Variants in PTPRU observed in about 807,000 individuals in gnomAD.
The protein encoded by PTPRU is receptor-type tyrosine-protein phosphatase U.
PTPRU carries 69 observed loss-of-function variants against 166.3 expected under a neutral mutation model. That is an observed-to-expected ratio of 0.41 (90% CI 0.34 to 0.51). The LOEUF (loss-of-function observed/expected upper bound fraction) is 0.51. PTPRU is among the 20% of genes least tolerant of loss of function. PTPRU has a pLI of 0.09. For synonymous variants in PTPRU, 793 were observed against 814.0 expected, an observed-to-expected ratio of 0.97 and a Z score of 0.44; for missense variants, 1,657 against 2,013.7, an observed-to-expected ratio of 0.82 and a Z score of 3.39.
rs972529303 is a variant in PTPRU, at chr1:29,275,586, G to A, written c.1283G>A (p.Gly428Asp). The A allele has an allele frequency of 3.7e-6, 6 of 1,614,158 alleles. No individual in the cohort carries two copies. Among genetic ancestry groups the A allele is most frequent in the Non-Finnish European group, 5.1e-6 (6 of 1,180,042 alleles). Residue 428 changes from glycine to aspartate, a missense_variant, in exon 8 of 30, where the codon GGC becomes GAC. By Grantham distance (94) the Gly-to-Asp change is moderately conservative. This residue lies in a region of PTPRU where 1,190 missense variants were observed against 1,477.4 expected (regional missense o/e 0.81). Transcript: ENST00000373779. ...TVSLCYHYTL[G>D]SSHNQTIREC... ...TCGCTGTGCTATCACTACACCCTGGGCAGCAGCCACAACCAGACCATCCGA... is the reference window on the plus strand; with the variant it reads ...TCGCTGTGCTATCACTACACCCTGGACAGCAGCCACAACCAGACCATCCGA...
At chr1:29,302,240 A>AGT (rs59952824) in intron 15 of PTPRU, among the ~76,000 whole-genome samples, 39,312 of 151,736 alleles carry the variant, frequency 0.26, 6,544 homozygotes, top group East Asian at 0.63. Flanking sequence ...AATAGAAAAA[A>AGT]GTATAGAATA....
chr1:29,309,830 G>A (rs1687566762), intron 18 of PTPRU, among the ~76,000 whole-genome samples: 3 of 152,216 alleles, frequency 2.0e-5, no homozygotes, highest in Admixed American at 2.0e-4. Context: ...GAGTTGCTGG[G>A]AGCTGTGTTG....
chr1:29,252,550 G>A (rs1039434740), intron 1 of PTPRU, among the ~76,000 whole-genome samples: 1 of 152,084 alleles, frequency 6.6e-6, no homozygotes, highest in Non-Finnish European at 1.5e-5. Flanking sequence ...TTACAGGTGT[G>A]AGCCACCGCG....
In PTPRU at chr1:29,275,725, C is replaced by G. The variant is rs746786939; in HGVS notation, c.1422C>G (p.Gly474=). ...CTAACCCTGAGGGGCGCAAAGAGGG[C>G]AAGGAGGTCACTTTCCAGACGGATG... ...VLTNPEGRKE[G]KEVTFQTDED... is the part of the protein sequence containing the mutation. Residue 474 remains glycine (G), a synonymous_variant, in exon 8 of 30, where the codon GGC becomes GGG. Coordinates refer to ENST00000373779, the MANE Select transcript of PTPRU (RefSeq NM_133178.4). The G allele has an allele frequency of 6.2e-7, 1 of 1,614,058 alleles. No individual in the cohort carries two copies. The highest frequency in any genetic ancestry group is 2.2e-5 in the East Asian group (1 of 44,898).
intron 14 of PTPRU, among the ~76,000 whole-genome samples, chr1:29,285,428 C>G (rs1301717754): frequency 6.6e-6 from 1 of 152,210 alleles, no homozygotes; most frequent in Non-Finnish European, 1.5e-5. Flanking sequence ...ACCCCTCCCC[C>G]TGCCGCCCCT....
chr1:29,240,936 A>G (rs1023359595), intron 1 of PTPRU, among the ~76,000 whole-genome samples: 10 of 152,054 alleles, frequency 6.6e-5, no homozygotes, highest in Non-Finnish European at 1.0e-4. Context: ...GAGGGAAGGG[A>G]GGAGAACTGC....
Position 29,320,633 on chromosome 1 carries a change from C to T in PTPRU, c.3688-52C>T. 1 of 1,506,846 alleles carries T rather than the reference C, an allele frequency of 6.6e-7. No individual in the cohort carries two copies. Among genetic ancestry groups the T allele is most frequent in the Admixed American group, 2.0e-5 (1 of 51,018 alleles). 93.3% of individuals were successfully genotyped at this position (1,506,846 alleles called of 1,614,324 possible). ...AAGACAGCCTGGGGCAGAGGCTCAG[C>T]CCAGGCCAGGGGCCGGGAACAGGGC... On this transcript the variant is annotated intron_variant, in intron 25 of 29. Transcript: ENST00000373779. The surrounding 1 kb of genome is among the most constrained non-coding windows in gnomAD (Gnocchi z 5.2).
intron 17 of PTPRU, 66 bp from the exon 18 acceptor site, chr1:29,305,274 GCCTCCAGGAATC>G (rs1276376242): frequency 1.4e-6 from 2 of 1,411,960 alleles, no homozygotes; most frequent in African/African-American, 2.8e-5. Flanking sequence ...CTATCCCCTA[GCCTCCAGGAATC>G]CCTCCCTGAC....
At position 29,304,012 on chromosome 1, in the gene PTPRU, G is replaced by A. The variant is rs771289142; in HGVS notation, c.2634G>A (p.Thr878=). 18 of 1,611,234 alleles carry A rather than the reference G, an allele frequency of 1.1e-5. No individual in the cohort carries two copies. The highest frequency in any genetic ancestry group is 5.5e-5 in the South Asian group (5 of 90,976). ...DLLQHINQMK[T]AEGYGFKQEY... is the part of the protein sequence containing the mutation. ...TGCAGCACATCAACCAGATGAAGAC[G>A]GCCGAGGGTTACGGCTTCAAGCAGG... Residue 878 remains threonine (T), a synonymous_variant, in exon 16 of 30, where the codon ACG becomes ACA. Coordinates refer to ENST00000373779, the MANE Select transcript of PTPRU (RefSeq NM_133178.4).
At chr1:29,289,621 G>A (rs1260783676) in intron 14 of PTPRU, 1 of 1,607,582 alleles carries the variant, frequency 6.2e-7, no homozygotes, top group Non-Finnish European at 8.5e-7. Context: ...CATTGCCTCA[G>A]CCCGGCCTTG....
chr1:29,323,875 G>T, intron 28 of PTPRU, 87 bp downstream of exon 28: 1 of 1,466,534 alleles, frequency 6.8e-7, no homozygotes, highest in Non-Finnish European at 9.2e-7. Flanking sequence ...AGCTTTGGCT[G>T]GACTGCAAAG....
intron 7 of PTPRU, among the ~76,000 whole-genome samples, chr1:29,261,965 A>G (rs182698951): frequency 8.5e-5 from 13 of 152,352 alleles, no homozygotes; most frequent in Admixed American, 8.5e-4. Flanking sequence ...CTATAGCATA[A>G]TATCACAGTC....
intron 7 of PTPRU, among the ~76,000 whole-genome samples, chr1:29,274,597 C>T (rs549888643): frequency 6.6e-6 from 1 of 152,106 alleles, no homozygotes; most frequent in Non-Finnish European, 1.5e-5. Flanking sequence ...TCCCTCATTA[C>T]CCTGATTTCT....
At chr1:29,283,997 C>T (rs1686223360) in intron 13 of PTPRU, 21 bp downstream of exon 13, 1 of 1,613,090 alleles carries the variant, frequency 6.2e-7, no homozygotes, top group Non-Finnish European at 8.5e-7. Context: ...TGAGTTCCTG[C>T]AGCCTTTCAG....
intron 14 of PTPRU, chr1:29,289,753 TA>T (rs1686535825): frequency 6.2e-7 from 1 of 1,605,964 alleles, no homozygotes; most frequent in Non-Finnish European, 8.5e-7. Context: ...CGGCCCTGCC[TA>T]GGGGGAGATC....
chr1:29,303,943 C>A lies in PTPRU; in HGVS notation c.2565C>A (p.Tyr855Ter), dbSNP rs2295061. Residue 855 changes from tyrosine to a stop codon, truncating the protein, a stop_gained, in exon 16 of 30, where the codon TAC (tyrosine) becomes TAA (stop). Transcript: ENST00000373779. LOFTEE classifies it high-confidence loss of function. ...CCTGTGGCCGGAAGGGCTCCCCATA[C>A]CACACGGGGCAGCTGCACCCTGCGG... The part of the protein sequence containing the change: ...RRPCGRKGSP[Y>*]HTGQLHPAVR... 1 of 1,613,820 alleles carries A rather than the reference C, an allele frequency of 6.2e-7. No homozygotes were observed. The highest frequency in any genetic ancestry group is 8.5e-7 in the Non-Finnish European group (1 of 1,179,834).
In PTPRU at chr1:29,310,685, T is replaced by C. The variant is rs1043987774; in HGVS notation, c.2821-59T>C. 5.9e-6 allele frequency: 9 copies of C among 1,528,722 alleles called. No homozygotes were observed. In the African/African-American group the frequency reaches 1.2e-4, roughly 21 times the overall value. The allele number at this position is 1,528,722 out of a possible 1,614,324, so 94.7% of individuals were successfully genotyped here. A position where few individuals can be genotyped will look rare whatever the true frequency, so the allele number is the denominator to read the frequency against. On this transcript the variant is annotated intron_variant, in intron 18 of 29. Coordinates refer to ENST00000373779, the MANE Select transcript of PTPRU (RefSeq NM_133178.4). ...TGCTGGGAGGGGAGGGTAGAGGAGG[T>C]GTGGGGGAGTGAGGGGCTACTCCCT...
chr1:29,307,417 C>G (rs1197330912), intron 18 of PTPRU, among the ~76,000 whole-genome samples: 1 of 152,266 alleles, frequency 6.6e-6, no homozygotes, highest in East Asian at 1.9e-4. Flanking sequence ...GCTTCCCCTG[C>G]CCATTCTGCA....
At chr1:29,246,214 C>T (rs1340472347) in intron 1 of PTPRU, among the ~76,000 whole-genome samples, 2 of 152,260 alleles carry the variant, frequency 1.3e-5, no homozygotes, top group Non-Finnish European at 2.9e-5. Context: ...CCAGCCCTTG[C>T]ACTGCACCAC....
Sources: gnomAD v4.1 joint callset for allele counts (sites outside exome capture counted in the v4.1 genomes callset) on GRCh38, gnomAD v4.1.1 for gene constraint, gnomAD v4.1.1 regional missense constraint, Gnocchi (gnomAD v3.1) non-coding constraint, MANE v1.5 for transcripts, NCBI Gene and HGNC (gene_info 2026-07-23, HGNC 2026-07-21) for gene names.